Variants in SH3GLB1 observed in about 807,000 individuals in gnomAD.
SH3GLB1 encodes the protein endophilin-B1.
A neutral mutation model predicts 42.0 loss-of-function variants in SH3GLB1; 17 were observed. The ratio of observed to expected loss-of-function variants is 0.40; its 90% CI spans 0.28 to 0.61. The LOEUF (loss-of-function observed/expected upper bound fraction) is 0.61, where lower values mean the gene tolerates loss of function less well. SH3GLB1 is among the 20% of genes least tolerant of loss of function. The pLI, the probability that SH3GLB1 is intolerant of heterozygous loss-of-function variation, is 0.36. For synonymous variants in SH3GLB1, 132 were observed against 146.6 expected (o/e 0.90, Z 0.72); for missense variants, 355 against 426.3 (o/e 0.83, Z 1.47).
chr1:86,707,154 C>T (rs1653916244), intron 1 of SH3GLB1, among the ~76,000 whole-genome samples: 1 of 152,108 alleles, frequency 6.6e-6, no homozygotes, highest in African/African-American at 2.4e-5. Flanking sequence ...TAGAATAACG[C>T]AGAGATGGTG....
chr1:86,730,571 C>T (rs1039164350), intron 5 of SH3GLB1, among the ~76,000 whole-genome samples: 2 of 152,008 alleles, frequency 1.3e-5, no homozygotes, highest in Non-Finnish European at 2.9e-5. Flanking sequence ...ACAGTCACAG[C>T]TCACTGCAAC....
At position 86,722,572 on chromosome 1, in the gene SH3GLB1, A is replaced by T; in HGVS notation, c.376A>T (p.Lys126Ter). Reference sequence around the variant, plus strand: ...CCTTATTAAATGTGGAGAAACCCAAAAAAGAATTGGAACAGCAGACAGAGA... The same window carrying T: ...CCTTATTAAATGTGGAGAAACCCAATAAAGAATTGGAACAGCAGACAGAGA... ...NALIKCGETQ[K>*]RIGTADRELI... is the part of the protein sequence containing the mutation. Residue 126 changes from lysine (K) to a stop codon, truncating the protein, a stop_gained, in exon 4 of 9, where the codon AAA (lysine) becomes TAA (stop). Transcript: ENST00000370558. LOFTEE classifies it high-confidence loss of function. 1 of 1,602,242 alleles carries T rather than the reference A, an allele frequency of 6.2e-7. No homozygotes were observed. Among genetic ancestry groups the T allele is most frequent in the Non-Finnish European group, 8.5e-7 (1 of 1,175,628 alleles).
chr1:86,728,524 T>C (rs114398236), intron 5 of SH3GLB1: 17,532 of 1,304,450 alleles, frequency 0.013, 252 homozygotes, highest in Middle Eastern at 0.033. Flanking sequence ...ACATCTTGAA[T>C]AAAGTGCCTT....
intron 7 of SH3GLB1, among the ~76,000 whole-genome samples, chr1:86,739,019 A>T (rs543377214): frequency 6.6e-6 from 1 of 152,328 alleles, no homozygotes; most frequent in African/African-American, 2.4e-5. Flanking sequence ...GAGGAGGCAA[A>T]GATTTCAGGG....
At chr1:86,731,022 C>G (rs1175621389) in intron 5 of SH3GLB1, among the ~76,000 whole-genome samples, 1 of 152,060 alleles carries the variant, frequency 6.6e-6, no homozygotes, top group Non-Finnish European at 1.5e-5. Context: ...TTGTCTCTTC[C>G]CTCAGTATCA....
intron 5 of SH3GLB1, among the ~76,000 whole-genome samples, chr1:86,733,977 A>C (rs530743096): frequency 1.1e-4 from 16 of 152,274 alleles, no homozygotes; most frequent in African/African-American, 3.8e-4. Flanking sequence ...ATCTTAATAG[A>C]TAGTATTCTG....
At chr1:86,731,578 C>T (rs980682263) in intron 5 of SH3GLB1, among the ~76,000 whole-genome samples, 1 of 152,152 alleles carries the variant, frequency 6.6e-6, no homozygotes, top group Non-Finnish European at 1.5e-5. Flanking sequence ...ACTAGAATGT[C>T]TTCCTCTTTG....
intron 2 of SH3GLB1, among the ~76,000 whole-genome samples, chr1:86,718,205 A>T (rs369156787): frequency 1.8e-4 from 27 of 151,806 alleles, no homozygotes; most frequent in African/African-American, 6.5e-4. Context: ...ACACCTAGCT[A>T]ATTTTTGTAT....
At chr1:86,731,557 T>C (rs1334024294) in intron 5 of SH3GLB1, among the ~76,000 whole-genome samples, 1 of 152,134 alleles carries the variant, frequency 6.6e-6, no homozygotes, top group African/African-American at 2.4e-5. Flanking sequence ...GAATACAGGT[T>C]GAACAAAAAA....
chr1:86,742,148 G>T (rs991946060), intron 7 of SH3GLB1, 60 bp from the exon 8 acceptor site: 10 of 1,254,748 alleles, frequency 8.0e-6, no homozygotes, highest in Middle Eastern at 1.9e-4. Flanking sequence ...CCACCGAGTG[G>T]TGGTATTAAG....
chr1:86,719,319 T>C (rs1023319236), intron 2 of SH3GLB1, among the ~76,000 whole-genome samples, 188 bp from the exon 3 acceptor site: 1 of 152,108 alleles, frequency 6.6e-6, no homozygotes, highest in African/African-American at 2.4e-5. Context: ...TTTTATCAAA[T>C]TTCTAAAATA....
chr1:86,727,408 A>G (rs1157025473), intron 5 of SH3GLB1, among the ~76,000 whole-genome samples: 1 of 152,046 alleles, frequency 6.6e-6, no homozygotes, highest in African/African-American at 2.4e-5. Context: ...AAGCAAGAAC[A>G]AAAATAATTA....
rs1223621281 is a variant in SH3GLB1, at chr1:86,744,129, ACT to A, written c.*897_*898del. 1.3e-5 allele frequency: 2 copies of A among 152,208 alleles called. No individual in the cohort carries two copies. Among genetic ancestry groups the A allele is most frequent in the Non-Finnish European group, 2.9e-5 (2 of 68,028 alleles). The allele number at this position is 152,208 out of a possible 1,614,324, so 9.4% of individuals were successfully genotyped here. ...GTATACGAACAAAATAAATTGGGTC[ACT>A]CTGAGCTTACTATTAAAACATTGAA... is the stretch of plus-strand genomic sequence containing the variant. On this transcript the variant is annotated 3_prime_UTR_variant, in exon 9 of 9. Coordinates refer to ENST00000370558, the MANE Select transcript of SH3GLB1 (RefSeq NM_016009.5).
chr1:86,730,211 CTG>C, intron 5 of SH3GLB1: 4 of 1,503,040 alleles, frequency 2.7e-6, no homozygotes, highest in Non-Finnish European at 2.7e-6. Context: ...CAGTCACAGT[CTG>C]TGTTAGTATA....
intron 7 of SH3GLB1, among the ~76,000 whole-genome samples, chr1:86,739,377 G>T (rs1436902412): frequency 2.6e-5 from 4 of 152,204 alleles, no homozygotes. Flanking sequence ...TGGCCTGGAA[G>T]TCAAGTGAAC....
In SH3GLB1 at chr1:86,742,395, G is replaced by A. The variant is rs562974321; in HGVS notation, c.949G>A (p.Asp317Asn). The change falls in exon 8 of 9, where the codon GAT becomes AAT. Residue 317 changes from aspartate to asparagine, a missense_variant. By Grantham distance (23) the Asp-to-Asn change is conservative. Transcript: ENST00000370558. ...AAAGGCCAGGGTTCTCTATGATTATGATGCAGCAAACAGTACTGAATTATC... is the reference window on the plus strand; with the variant it reads ...AAAGGCCAGGGTTCTCTATGATTATAATGCAGCAAACAGTACTGAATTATC... ...SRKARVLYDY[D>N]AANSTELSLL... 6.2e-7 allele frequency: 1 copy of A among 1,614,098 alleles called. No homozygotes were observed. Among genetic ancestry groups the A allele is most frequent in the African/African-American group, 1.3e-5 (1 of 75,020 alleles).
intron 1 of SH3GLB1, among the ~76,000 whole-genome samples, chr1:86,708,973 C>G (rs1054690854): frequency 2.0e-5 from 3 of 152,070 alleles, no homozygotes; most frequent in Admixed American, 1.3e-4. Flanking sequence ...TTATTCATCT[C>G]CAAAATGGAG....
chr1:86,731,464 C>A (rs2101969557), intron 5 of SH3GLB1, among the ~76,000 whole-genome samples: 1 of 152,230 alleles, frequency 6.6e-6, no homozygotes, highest in South Asian at 2.1e-4. Flanking sequence ...TGAGTCTGTT[C>A]ATCAGTTTAG....
chr1:86,705,114 TGGTCCCCTCCCC>T, intron 1 of SH3GLB1, 143 bp downstream of exon 1: 1 of 539,900 alleles, frequency 1.9e-6, no homozygotes, highest in Admixed American at 4.3e-5. Context: ...GGGCGCGGCC[TGGTCCCCTCCCC>T]GGGCCCGGCG....
Sources: allele counts gnomAD v4.1 joint callset (sites outside exome capture counted in the v4.1 genomes callset), GRCh38; gene constraint gnomAD v4.1.1; transcripts MANE v1.5; gene names NCBI Gene and HGNC (gene_info 2026-07-23, HGNC 2026-07-21).